The following ZBED4 variants were observed in gnomAD, a reference collection of about 807,000 sequenced individuals.
ZBED4 encodes the protein zinc finger BED-type containing 4.
ZBED4 carries 4 observed loss-of-function variants against 15.5 expected under a neutral mutation model. That is an observed-to-expected ratio of 0.26 (90% CI 0.13 to 0.59). The LOEUF (loss-of-function observed/expected upper bound fraction) is 0.59, where lower values mean the gene tolerates loss of function less well. Among genes scored for constraint, ZBED4 ranks in the 20% least tolerant of loss-of-function variants. The pLI is 0.90. For missense variants in ZBED4, 1,323 were observed against 1,461.8 expected (o/e 0.91, Z 1.55); for synonymous variants, 692 against 608.5 (o/e 1.14, Z -2.02).
chr22:49,853,797 GC>G (rs1483619066), upstream of ZBED4: 8 of 145,752 alleles, frequency 5.5e-5, no homozygotes, highest in African/African-American at 2.0e-4. Context: ...GATCGGCCCC[GC>G]CCCCGGCCAG....
At chr22:49,854,315 G>T (rs946944489) in intron 1 of ZBED4, among the ~76,000 whole-genome samples, 2 of 151,314 alleles carry the variant, frequency 1.3e-5, no homozygotes, top group East Asian at 3.9e-4. Flanking sequence ...TCGGGGCGCC[G>T]CCCGGGTCCG....
chr22:49,885,242 C>G lies in ZBED4; in HGVS notation c.1580C>G (p.Thr527Ser). 1 of 1,607,150 alleles carries G rather than the reference C, an allele frequency of 6.2e-7. No individual in the cohort carries two copies. Reference sequence around the variant, plus strand: ...AGTCTGGCAAACTCTCCGTATGCCACTTTGGCCTCTGCAGAAAGTTCCTCT... The same window carrying G: ...AGTCTGGCAAACTCTCCGTATGCCAGTTTGGCCTCTGCAGAAAGTTCCTCT... Reference protein sequence around the residue: ...GASLANSPYATLASAESSSSK... With the variant: ...GASLANSPYASLASAESSSSK... Residue 527 changes from threonine (T) to serine (S), a missense_variant, in exon 2 of 2, where the codon ACT becomes AGT. Transcript: ENST00000216268.
chr22:49,885,430 A>T lies in ZBED4; in HGVS notation c.1768A>T (p.Lys590Ter). ...CTGTGGCCGGACCATCAGCCGGGGGAAGAAGCCGACTAACTTGGGTACCAG... is the reference window on the plus strand; with the variant it reads ...CTGTGGCCGGACCATCAGCCGGGGGTAGAAGCCGACTAACTTGGGTACCAG... ...LHCGRTISRG[K>*]KPTNLGTSCL... Residue 590 changes from lysine to a stop codon, truncating the protein, a stop_gained, in exon 2 of 2, where the codon AAG becomes TAG. Transcript: ENST00000216268. LOFTEE classifies it high-confidence loss of function. The T allele has an allele frequency of 6.2e-7, 1 of 1,609,276 alleles. No individual in the cohort carries two copies. Among genetic ancestry groups the T allele is most frequent in the Non-Finnish European group, 8.5e-7 (1 of 1,176,008 alleles).
chr22:49,879,483 C>CA (rs1337605709), intron 1 of ZBED4, among the ~76,000 whole-genome samples: 1 of 151,720 alleles, frequency 6.6e-6, no homozygotes, highest in Non-Finnish European at 1.5e-5. Context: ...AGGCACACAC[C>CA]ACTATATCCG....
In ZBED4 at chr22:49,889,504, T is replaced by C. The variant is rs1293889997; in HGVS notation, c.*2326T>C. ...TTTTAAGCTTTCAGCTTCATGCTGC[T>C]GTATTTTTAGTTGAAGTGTTCTGAG... On this transcript the variant is annotated 3_prime_UTR_variant, in exon 2 of 2. Coordinates refer to ENST00000216268, the MANE Select transcript of ZBED4 (RefSeq NM_014838.3). 2 of 167,182 alleles carry C rather than the reference T, an allele frequency of 1.2e-5. No individual in the cohort carries two copies. The highest frequency in any genetic ancestry group is 2.4e-5 in the African/African-American group (1 of 41,454). 10.4% of individuals were successfully genotyped at this position (167,182 alleles called of 1,614,324 possible). A position where few individuals can be genotyped will look rare whatever the true frequency, so the allele number is the denominator to read the frequency against.
intron 1 of ZBED4, among the ~76,000 whole-genome samples, chr22:49,868,785 T>C (rs1430223132): frequency 2.0e-5 from 3 of 151,534 alleles, no homozygotes. Context: ...GCCAGGAGGG[T>C]GGGAGCCCAG....
At chr22:49,861,473 GC>G (rs1237717489) in intron 1 of ZBED4, among the ~76,000 whole-genome samples, 3 of 152,108 alleles carry the variant, frequency 2.0e-5, no homozygotes, top group African/African-American at 7.2e-5. Flanking sequence ...TGGCTCTGTT[GC>G]CCAGGCTGGA....
rs533958242 is a variant in ZBED4, at chr22:49,884,789, C to T, written c.1127C>T (p.Pro376Leu). The T allele has an allele frequency of 1.5e-5, 24 of 1,608,588 alleles. No homozygotes were observed. The South Asian group carries it at 1.8e-4, about 12-fold the overall frequency. ...EGELSSVSSSPVKPVRESPSA... is the reference protein window; with the variant it reads ...EGELSSVSSSLVKPVRESPSA... Reference sequence around the variant, plus strand: ...GAGCTCAGCTCTGTGTCCTCGTCTCCAGTAAAGCCGGTCAGAGAGTCCCCT... The same window carrying T: ...GAGCTCAGCTCTGTGTCCTCGTCTCTAGTAAAGCCGGTCAGAGAGTCCCCT... Residue 376 changes from proline (P) to leucine (L), a missense_variant, in exon 2 of 2, where the codon CCA becomes CTA. By Grantham distance (98) the Pro-to-Leu change is moderately conservative (BLOSUM62 -3). Around this residue, in one of 6 missense-constraint regions of ZBED4, gnomAD observed 429 missense variants for 397.9 expected, o/e 1.08. Transcript: ENST00000216268.
intron 1 of ZBED4, among the ~76,000 whole-genome samples, chr22:49,864,772 G>T (rs2050995111): frequency 7.7e-6 from 1 of 129,168 alleles, no homozygotes; most frequent in Admixed American, 9.3e-5. Context: ...AGTGAGCTGA[G>T]ATTGTGTACT....
Position 49,884,851 on chromosome 22 carries a change from T to A in ZBED4, c.1189T>A (p.Leu397Met). 6.2e-7 allele frequency: 1 copy of A among 1,610,546 alleles called. No individual in the cohort carries two copies. The highest frequency in any genetic ancestry group is 8.5e-7 in the Non-Finnish European group (1 of 1,177,426). ...SSSPDRLTED[L>M]QSHLNPGDGL... ...CTCCCCTGACAGGCTGACTGAGGACTTGCAGTCTCACTTGAACCCTGGAGA... is the reference window on the plus strand; with the variant it reads ...CTCCCCTGACAGGCTGACTGAGGACATGCAGTCTCACTTGAACCCTGGAGA... Residue 397 changes from leucine to methionine, a missense_variant, in exon 2 of 2, where the codon TTG (leucine) becomes ATG (methionine). Leu to Met is a conservative substitution (Grantham distance 15). Coordinates refer to ENST00000216268, the MANE Select transcript of ZBED4 (RefSeq NM_014838.3).
chr22:49,861,848 A>AT (rs1316593272), intron 1 of ZBED4, among the ~76,000 whole-genome samples: 3 of 152,006 alleles, frequency 2.0e-5, no homozygotes, highest in African/African-American at 7.3e-5. Flanking sequence ...CGTGTGTTGC[A>AT]TTTTTTGTGT....
At chr22:49,872,410 T>C (rs5770735) in intron 1 of ZBED4, among the ~76,000 whole-genome samples, 2 of 152,190 alleles carry the variant, frequency 1.3e-5, no homozygotes, top group Admixed American at 1.3e-4. Flanking sequence ...AAATCTGCAG[T>C]CACTTCCTCC....
At position 49,884,224 on chromosome 22, in the gene ZBED4, C is replaced by G; in HGVS notation, c.562C>G (p.Leu188Val). 2 of 1,602,590 alleles carry G rather than the reference C, an allele frequency of 1.2e-6. No individual in the cohort carries two copies. The highest frequency in any genetic ancestry group is 1.1e-5 in the South Asian group (1 of 89,524). Residue 188 changes from leucine to valine, a missense_variant, in exon 2 of 2, where the codon CTG becomes GTG. Coordinates refer to ENST00000216268, the MANE Select transcript of ZBED4 (RefSeq NM_014838.3). ...GTCCTCGTTCCCCTCTCCCTCACTC[C>G]TGCTTCCACCACAGCCTGCGGACGC... is the stretch of plus-strand genomic sequence containing the variant. ...AVSSFPSPSL[L>V]LPPQPADAGD...
upstream of ZBED4, chr22:49,853,266 G>A (rs1426639205): frequency 6.6e-6 from 1 of 152,630 alleles, no homozygotes; most frequent in Non-Finnish European, 1.5e-5. Context: ...TCGCCCAGAG[G>A]GCCGCCCTCC....
At chr22:49,872,315 T>A (rs2060351986) in intron 1 of ZBED4, among the ~76,000 whole-genome samples, 1 of 152,196 alleles carries the variant, frequency 6.6e-6, no homozygotes, top group Non-Finnish European at 1.5e-5. Context: ...CAGCTCCTCA[T>A]TCACTCAAGT....
At chr22:49,873,900 T>C (rs1392894319) in intron 1 of ZBED4, among the ~76,000 whole-genome samples, 3 of 152,120 alleles carry the variant, frequency 2.0e-5, no homozygotes, top group Admixed American at 2.0e-4. Flanking sequence ...AATGAGAACA[T>C]AAGGGCTGGG....
Position 49,884,583 on chromosome 22 carries a change from T to G in ZBED4, c.921T>G (p.Ile307Met). 1.2e-6 allele frequency: 2 copies of G among 1,612,736 alleles called. No individual in the cohort carries two copies. Among genetic ancestry groups the G allele is most frequent in the Non-Finnish European group, 1.7e-6 (2 of 1,179,276 alleles). Residue 307 changes from isoleucine (I) to methionine (M), a missense_variant, in exon 2 of 2, where the codon ATT (isoleucine) becomes ATG (methionine). Transcript: ENST00000216268. ...SPLDNSKAVC[I>M]HCMNEFSRGK... Reference sequence around the variant, plus strand: ...TGGACAACTCCAAAGCTGTCTGCATTCACTGCATGAACGAGTTCAGCCGGG... The same window carrying G: ...TGGACAACTCCAAAGCTGTCTGCATGCACTGCATGAACGAGTTCAGCCGGG...
At chr22:49,854,324 C>T (rs549412183) in intron 1 of ZBED4, among the ~76,000 whole-genome samples, 1 of 151,304 alleles carries the variant, frequency 6.6e-6, no homozygotes. Flanking sequence ...CGCCCGGGTC[C>T]GCCGGGAGCG....
intron 1 of ZBED4, among the ~76,000 whole-genome samples, chr22:49,868,091 CAG>C (rs1395319724): frequency 2.0e-5 from 3 of 152,236 alleles, no homozygotes; most frequent in African/African-American, 7.2e-5. Flanking sequence ...GTCATTAAAT[CAG>C]GGACCCACTT....
Sources: allele counts gnomAD v4.1 joint callset (sites outside exome capture counted in the v4.1 genomes callset), GRCh38; gene constraint gnomAD v4.1.1; regional missense constraint gnomAD v4.1.1; transcripts MANE v1.5; gene names NCBI Gene and HGNC (gene_info 2026-07-23, HGNC 2026-07-21).